ADAMTS2: variants seen among roughly 807,000 people sequenced by gnomAD.
ADAMTS2 encodes the protein A disintegrin and metalloproteinase with thrombospondin motifs 2.
Under a neutral mutation model 123.0 loss-of-function variants are expected in ADAMTS2, and 50 were observed. That is an observed-to-expected ratio of 0.41 (90% CI 0.32 to 0.51). The LOEUF (loss-of-function observed/expected upper bound fraction) is 0.51. Among genes scored for constraint, ADAMTS2 ranks in the 20% least tolerant of loss-of-function variants. The pLI, the probability that ADAMTS2 is intolerant of heterozygous loss-of-function variation, is 0.35. For synonymous variants in ADAMTS2, 678 were observed against 695.4 expected (o/e 0.98, Z 0.39); for missense variants, 1,494 against 1,705.2 (o/e 0.88, Z 2.18).
At chr5:179,295,735 G>A (rs182596897) in intron 2 of ADAMTS2, among the ~76,000 whole-genome samples, 4 of 152,356 alleles carry the variant, frequency 2.6e-5, no homozygotes, top group Non-Finnish European at 5.9e-5. Flanking sequence ...CGTCCATGGC[G>A]GCTGGGGCAG....
chr5:179,127,911 G>T, intron 17 of ADAMTS2, 48 bp downstream of exon 17: 1 of 1,609,956 alleles, frequency 6.2e-7, no homozygotes, highest in Non-Finnish European at 8.5e-7. Flanking sequence ...CTACCTTCTC[G>T]TGGTCACCCT....
intron 3 of ADAMTS2, among the ~76,000 whole-genome samples, chr5:179,240,776 C>T (rs970518605): frequency 1.3e-5 from 2 of 152,184 alleles, no homozygotes; most frequent in African/African-American, 4.8e-5. Flanking sequence ...CATGCCTTGC[C>T]ACCCTCGACC....
At chr5:179,199,150 C>T (rs1215434426) in intron 4 of ADAMTS2, among the ~76,000 whole-genome samples, 1 of 152,244 alleles carries the variant, frequency 6.6e-6, no homozygotes, top group Non-Finnish European at 1.5e-5. Context: ...GGCCTATCCT[C>T]AGAAGGCCCC....
At chr5:179,322,016 G>A (rs1203340027) in intron 2 of ADAMTS2, among the ~76,000 whole-genome samples, 1 of 152,200 alleles carries the variant, frequency 6.6e-6, no homozygotes, top group Non-Finnish European at 1.5e-5. Flanking sequence ...GATCACAAAG[G>A]GAAGGTACAA....
chr5:179,334,856 G>C (rs1336993488), intron 2 of ADAMTS2, among the ~76,000 whole-genome samples: 2 of 152,144 alleles, frequency 1.3e-5, no homozygotes, highest in African/African-American at 4.8e-5. Flanking sequence ...AAATAATCCT[G>C]ATTTTTAAAA....
At position 179,158,113 on chromosome 5, in the gene ADAMTS2, C is replaced by T. The variant is rs367837701; in HGVS notation, c.1132+610G>A. Among the ~76,000 whole-genome samples, 15 of 152,182 alleles carry T rather than the reference C, an allele frequency of 9.9e-5. No individual in the cohort carries two copies. Among genetic ancestry groups the T allele is most frequent in the African/African-American group, 2.2e-4 (9 of 41,542 alleles). Reference sequence around the variant, plus strand: ...CCGGGTAGCTGGGACTACAGGCGCCCGCCACCATGCCCTGCTAATTTTTTT... The same window carrying T: ...CCGGGTAGCTGGGACTACAGGCGCCTGCCACCATGCCCTGCTAATTTTTTT... On this transcript the variant is annotated intron_variant, in intron 6 of 21. Coordinates refer to ENST00000251582, the MANE Select transcript of ADAMTS2 (RefSeq NM_014244.5). The surrounding 1 kb of genome is among the most constrained non-coding windows in gnomAD (Gnocchi z 5.0).
At chr5:179,178,340 TGTGTG>T (rs10583265) in intron 5 of ADAMTS2, among the ~76,000 whole-genome samples, 72,372 of 151,660 alleles carry the variant, frequency 0.48, 17,894 homozygotes, top group East Asian at 0.76. Context: ...GCTCTGCATC[TGTGTG>T]GTCCAAAGCC....
intron 3 of ADAMTS2, among the ~76,000 whole-genome samples, chr5:179,241,774 G>A (rs928880388): frequency 1.3e-5 from 2 of 152,190 alleles, no homozygotes; most frequent in African/African-American, 2.4e-5. Flanking sequence ...TGAGTATGTC[G>A]AAGAGATTTA....
chr5:179,248,172 AT>A (rs1765847004), intron 3 of ADAMTS2, among the ~76,000 whole-genome samples: 1 of 152,200 alleles, frequency 6.6e-6, no homozygotes, highest in African/African-American at 2.4e-5. Flanking sequence ...CAAAATTGTT[AT>A]GTGTTTAAGA....
chr5:179,181,970 C>G lies in ADAMTS2; in HGVS notation c.892-815G>C, dbSNP rs1240064465. The stretch of plus-strand genomic sequence containing the variant: ...TCAGGGGCTTCCTTCGCACTGAGCC[C>G]CCACCCTCCAGCTTCCCACCGCACA... On this transcript the variant is annotated intron_variant, in intron 4 of 21. Transcript: ENST00000251582. This position sits in a 1 kb window ranked among gnomAD's most constrained non-coding sequence, Gnocchi z 4.1. Among the ~76,000 whole-genome samples, 1 of 152,068 alleles carries G rather than the reference C, an allele frequency of 6.6e-6. No homozygotes were observed. Among genetic ancestry groups the G allele is most frequent in the Non-Finnish European group, 1.5e-5 (1 of 68,000 alleles).
At chr5:179,319,268 C>A (rs116091143) in intron 2 of ADAMTS2, among the ~76,000 whole-genome samples, 3 of 152,212 alleles carry the variant, frequency 2.0e-5, no homozygotes, top group Non-Finnish European at 4.4e-5. Flanking sequence ...CACATGTGCA[C>A]TACACACAAG....
At chr5:179,116,855 G>A (rs982137972) in intron 21 of ADAMTS2, among the ~76,000 whole-genome samples, 2 of 152,128 alleles carry the variant, frequency 1.3e-5, no homozygotes, top group Non-Finnish European at 2.9e-5. Flanking sequence ...TGAAAAGGGA[G>A]TTAAAACCCA....
chr5:179,333,713 C>T (rs1039709088), intron 2 of ADAMTS2, among the ~76,000 whole-genome samples: 2 of 150,784 alleles, frequency 1.3e-5, no homozygotes, highest in African/African-American at 4.9e-5. Flanking sequence ...GATTCTCCTG[C>T]CTCAGCCTCC....
intron 3 of ADAMTS2, among the ~76,000 whole-genome samples, chr5:179,212,542 G>C (rs1764881713): frequency 1.9e-5 from 2 of 104,710 alleles, no homozygotes; most frequent in Admixed American, 2.0e-4. Flanking sequence ...GGCAGGTGCA[G>C]TGAGCAGGCG....
At chr5:179,331,095 A>G (rs2127459393) in intron 2 of ADAMTS2, among the ~76,000 whole-genome samples, 1 of 151,498 alleles carries the variant, frequency 6.6e-6, no homozygotes, top group Admixed American at 6.6e-5. Context: ...CTCCCAGCAC[A>G]TTGGGATGGC....
intron 20 of ADAMTS2, 71 bp downstream of exon 20, chr5:179,122,573 C>A (rs1762783049): frequency 1.3e-6 from 2 of 1,535,256 alleles, no homozygotes; most frequent in South Asian, 2.4e-5. Flanking sequence ...TTTGCCTGAA[C>A]CAAGCCTCTG....
intron 3 of ADAMTS2, among the ~76,000 whole-genome samples, chr5:179,226,356 T>A (rs1765285399): frequency 6.7e-6 from 1 of 149,802 alleles, no homozygotes; most frequent in Admixed American, 6.7e-5. Context: ...AACCACCGCC[T>A]CCCGGATTCA....
rs1467050269 is a variant in ADAMTS2, at chr5:179,234,362, A to G, written c.689-26647T>C. ...AGAGAGAAGTGGAGGCTGCACCCCC[A>G]CAGGAAGTGGGGCCCAGTCCACCGT... is the stretch of plus-strand genomic sequence containing the variant. On this transcript the variant is annotated intron_variant, in intron 3 of 21. Coordinates refer to ENST00000251582, the MANE Select transcript of ADAMTS2 (RefSeq NM_014244.5). The surrounding 1 kb of genome is among the most constrained non-coding windows in gnomAD (Gnocchi z 4.7). Among the ~76,000 whole-genome samples the G allele has an allele frequency of 6.6e-6, 1 of 152,100 alleles. No homozygotes were observed. Among genetic ancestry groups the G allele is most frequent in the African/African-American group, 2.4e-5 (1 of 41,404 alleles).
intron 4 of ADAMTS2, among the ~76,000 whole-genome samples, chr5:179,190,932 G>T (rs1178790208): frequency 6.6e-6 from 1 of 152,372 alleles, no homozygotes; most frequent in African/African-American, 2.4e-5. Context: ...GCTGTGCCCA[G>T]GCACGTCCGC....
Sources: allele counts gnomAD v4.1 joint callset (sites outside exome capture counted in the v4.1 genomes callset), GRCh38; gene constraint gnomAD v4.1.1; non-coding constraint Gnocchi (gnomAD v3.1); transcripts MANE v1.5; gene names NCBI Gene and HGNC (gene_info 2026-07-23, HGNC 2026-07-21).